Variants in SEC31A observed in about 807,000 individuals in gnomAD.
SEC31A encodes SEC31 homolog A, COPII component.
In SEC31A, 70 loss-of-function variants were observed where a neutral mutation model predicts 151.0. The observed-to-expected ratio is 0.46, with a 90% CI of 0.38 to 0.57. SEC31A has a LOEUF of 0.57. Among genes scored for constraint, SEC31A ranks in the 20% least tolerant of loss-of-function variants. SEC31A has a pLI of 0.00. For synonymous variants in SEC31A, 475 were observed against 505.9 expected (o/e 0.94, Z 0.82); for missense variants, 1,330 against 1,471.2 (o/e 0.90, Z 1.57).
intron 1 of SEC31A, among the ~76,000 whole-genome samples, chr4:82,882,401 C>CAAAAAAGAAAAAAAAA (rs1739580877): frequency 1.1e-5 from 1 of 92,490 alleles, no homozygotes; most frequent in African/African-American, 5.2e-5. Context: ...GACTCTATCT[C>CAAAAAAGAAAAAAAAA]AAAAAAAAAA....
rs189494830 is a variant in SEC31A at position 82,861,983 on chromosome 4, G to A, written c.1549-275C>T. On this transcript the variant is annotated intron_variant, in intron 13 of 26. Transcript: ENST00000395310. ...GGCTGGAGTTCAGTGGCACGATCCCGGCTCACTGCAACCTCCGCCTCCCAG... is the reference window on the plus strand; with the variant it reads ...GGCTGGAGTTCAGTGGCACGATCCCAGCTCACTGCAACCTCCGCCTCCCAG... 340 of 218,384 alleles carry A rather than the reference G, an allele frequency of 1.6e-3. 3 individuals are homozygous for A. The East Asian group carries it at 0.017, about 11-fold the overall frequency. 13.5% of individuals were successfully genotyped at this position (218,384 alleles called of 1,614,324 possible). A position where few individuals can be genotyped will look rare whatever the true frequency, so the allele number is the denominator to read the frequency against.
At chr4:82,900,328 C>CCATA (rs955961432) in intron 1 of SEC31A, 5 of 186,162 alleles carry the variant, frequency 2.7e-5, no homozygotes, top group Non-Finnish European at 4.5e-5. Context: ...TATCCCTCTT[C>CCATA]CATACCCTTT....
intron 22 of SEC31A, chr4:82,829,307 T>C (rs966685667): frequency 2.9e-5 from 11 of 380,182 alleles, no homozygotes; most frequent in Admixed American, 2.0e-4. Context: ...TAAAAGAGTG[T>C]GCTAAATTTA....
At chr4:82,826,663 T>A (rs898621719) in intron 24 of SEC31A, among the ~76,000 whole-genome samples, 2 of 152,242 alleles carry the variant, frequency 1.3e-5, no homozygotes, top group African/African-American at 4.8e-5. Flanking sequence ...TCAGGCATAT[T>A]ATCTCTTAAC....
chr4:82,892,694 AGTAAT>A (rs1338521689), upstream of SEC31A, among the ~76,000 whole-genome samples: 1 of 152,208 alleles, frequency 6.6e-6, no homozygotes, highest in African/African-American at 2.4e-5. Flanking sequence ...TTGAAAGCAA[AGTAAT>A]GTAACTGGCG....
chr4:82,837,806 C>T (rs538494808), intron 22 of SEC31A, among the ~76,000 whole-genome samples: 133 of 152,268 alleles, frequency 8.7e-4, no homozygotes, highest in African/African-American at 3.2e-3. Context: ...TTACCCAATC[C>T]CACTTCTCAC....
intron 2 of SEC31A, 94 bp downstream of exon 2, chr4:82,881,764 G>A: frequency 2.1e-6 from 2 of 936,658 alleles, no homozygotes; most frequent in Non-Finnish European, 1.7e-6. Context: ...GGAGAGAGAG[G>A]CTTTCTAGAG....
At chr4:82,875,246 T>C (rs1553935091) in intron 5 of SEC31A, among the ~76,000 whole-genome samples, 6 of 152,152 alleles carry the variant, frequency 3.9e-5, no homozygotes, top group Non-Finnish European at 1.5e-5. Flanking sequence ...CTATACAACA[T>C]AAAGAAACTC....
At chr4:82,893,074 T>C (rs1461071493), upstream of SEC31A, 1 of 152,196 alleles carries the variant, frequency 6.6e-6, no homozygotes, top group Non-Finnish European at 1.5e-5. Flanking sequence ...AAAGATATTC[T>C]AGGTTTTTTT....
intron 22 of SEC31A, among the ~76,000 whole-genome samples, chr4:82,841,091 A>G (rs1459233265): frequency 6.6e-6 from 1 of 152,174 alleles, no homozygotes. Context: ...AAACATAAAT[A>G]TTGTATAGCT....
intron 23 of SEC31A, 26 bp downstream of exon 23, chr4:82,828,974 A>C (rs755801845): frequency 1.9e-6 from 3 of 1,599,732 alleles, no homozygotes; most frequent in Non-Finnish European, 2.6e-6. Context: ...TCTGTAGGCC[A>C]TTGGATGGAC....
chr4:82,828,160 G>A (rs1321991577), intron 23 of SEC31A, among the ~76,000 whole-genome samples: 3 of 152,066 alleles, frequency 2.0e-5, no homozygotes, highest in East Asian at 3.9e-4. Context: ...TGATCTGCCC[G>A]CCTCAGTCTC....
At chr4:82,875,614 T>C (rs1267496168) in intron 5 of SEC31A, 113 bp downstream of exon 5, 2 of 655,468 alleles carry the variant, frequency 3.1e-6, no homozygotes, top group Non-Finnish European at 5.4e-6. Context: ...ATCTAAACAA[T>C]GATTTTAAAC....
At position 82,861,682 on chromosome 4, in the gene SEC31A, T is replaced by A; in HGVS notation, c.1575A>T (p.Ala525=). The A allele has an allele frequency of 1.2e-6, 2 of 1,610,732 alleles. No homozygotes were observed. The highest frequency in any genetic ancestry group is 4.5e-5 in the East Asian group (2 of 44,846). The part of the protein sequence containing the change: ...NVALKDSDQV[A]QSDGEESPAA... Reference sequence around the variant, plus strand: ...CAGGGCTCTCCTCCCCATCACTCTGTGCTACTTGGTCAGAGTCTTTAAGAG... The same window carrying A: ...CAGGGCTCTCCTCCCCATCACTCTGAGCTACTTGGTCAGAGTCTTTAAGAG... The change falls in exon 14 of 27, where the codon GCA becomes GCT. Residue 525 remains alanine (A), a synonymous_variant. Transcript: ENST00000395310.
intron 25 of SEC31A, 69 bp from the exon 26 acceptor site, chr4:82,821,177 A>C (rs776910430): frequency 4.5e-5 from 53 of 1,183,622 alleles, no homozygotes; most frequent in Non-Finnish European, 6.2e-5. Flanking sequence ...GCCCTATCTC[A>C]TTGCACTAAA....
chr4:82,880,492 G>A (rs1359027020), intron 3 of SEC31A, among the ~76,000 whole-genome samples: 6 of 151,806 alleles, frequency 4.0e-5, no homozygotes, highest in Non-Finnish European at 7.4e-5. Flanking sequence ...GGGAGGCTGA[G>A]GCACAAGAAT....
intron 1 of SEC31A, among the ~76,000 whole-genome samples, chr4:82,888,372 A>AAC (rs1553938372): frequency 2.1e-4 from 9 of 42,986 alleles, no homozygotes; most frequent in African/African-American, 4.2e-4. Context: ...AAAAAAAAAA[A>AAC]ACACACAAAA....
intron 22 of SEC31A, among the ~76,000 whole-genome samples, chr4:82,841,886 C>T (rs113766398): frequency 3.3e-5 from 5 of 151,708 alleles, no homozygotes; most frequent in Admixed American, 6.6e-5. Flanking sequence ...GCAGGAGAAT[C>T]GCTTGAACCC....
At chr4:82,844,273 T>C (rs559755617) in intron 21 of SEC31A, 113 bp downstream of exon 21, 8 of 1,163,018 alleles carry the variant, frequency 6.9e-6, no homozygotes, top group Middle Eastern at 2.5e-4. Flanking sequence ...AGGAATCCTA[T>C]GCACAATGGT....
Sources: gnomAD v4.1 joint callset for allele counts (sites outside exome capture counted in the v4.1 genomes callset) on GRCh38, gnomAD v4.1.1 for gene constraint, MANE v1.5 for transcripts, NCBI Gene and HGNC (gene_info 2026-07-23, HGNC 2026-07-21) for gene names.